The following WAC variants were observed in gnomAD, a reference collection of about 807,000 sequenced individuals.
The protein encoded by WAC is WW domain containing adaptor with coiled-coil, also known as WW domain-containing adapter protein with coiled-coil.
Under a neutral mutation model 79.6 loss-of-function variants are expected in WAC, and 11 were observed. That is an observed-to-expected ratio of 0.14 (90% CI 0.09 to 0.23). WAC has a LOEUF of 0.23. Among genes scored for constraint, WAC ranks in the 10% least tolerant of loss-of-function variants. The pLI is 1.00. For missense variants in WAC, 728 were observed against 773.5 expected (o/e 0.94, Z 0.70); for synonymous variants, 304 against 276.9 (o/e 1.10, Z -0.97).
chr10:28,551,486 T>C (rs534614379), intron 3 of WAC, among the ~76,000 whole-genome samples: 26 of 152,322 alleles, frequency 1.7e-4, no homozygotes, highest in African/African-American at 6.0e-4. Flanking sequence ...TAAAAAGTCT[T>C]CTTGGGGTTG....
intron 3 of WAC, among the ~76,000 whole-genome samples, chr10:28,539,028 TC>T (rs1419150432): frequency 1.3e-5 from 2 of 152,160 alleles, no homozygotes; most frequent in African/African-American, 4.8e-5. Context: ...AATTCAAATT[TC>T]CCAGTTTTTC....
At chr10:28,533,906 C>T (rs1310035955) in intron 1 of WAC, 92 bp from the exon 2 acceptor site, 4 of 1,482,998 alleles carry the variant, frequency 2.7e-6, no homozygotes, top group African/African-American at 1.4e-5. Flanking sequence ...AGGTCTCCCG[C>T]GGGGAGGGGC....
chr10:28,610,971 T>C, intron 9 of WAC, 150 bp downstream of exon 9: 1 of 783,428 alleles, frequency 1.3e-6, no homozygotes, highest in Admixed American at 3.3e-5. Context: ...TTTGTAACAC[T>C]GGCATATACA....
intron 3 of WAC, among the ~76,000 whole-genome samples, chr10:28,547,788 T>A (rs762155025): frequency 2.6e-5 from 4 of 151,866 alleles, no homozygotes; most frequent in Non-Finnish European, 5.9e-5. Context: ...AAATTTAGAG[T>A]TTTTCCTTCT....
Position 28,540,330 on chromosome 10 carries a change from A to T in WAC, c.274+4573A>T, listed in dbSNP as rs185828502. ...GGTAACTTGTATGCTGTCAGAGATT[A>T]AACACTTGGGTATTGAAAGCTTATT... On this transcript the variant is annotated intron_variant, in intron 3 of 13. Coordinates refer to ENST00000354911, the MANE Select transcript of WAC (RefSeq NM_016628.5). Among the ~76,000 whole-genome samples, 357 of 152,348 alleles carry T rather than the reference A, an allele frequency of 2.3e-3. 3 individuals are homozygous for T. Among genetic ancestry groups the T allele is most frequent in the Non-Finnish European group, 3.6e-3 (242 of 68,032 alleles).
At chr10:28,541,420 G>GTTTTTTTTTTT (rs869099181) in intron 3 of WAC, among the ~76,000 whole-genome samples, 1 of 49,210 alleles carries the variant, frequency 2.0e-5, no homozygotes, top group Non-Finnish European at 3.3e-5. Context: ...TGTGTGTTTT[G>GTTTTTTTTTTT]TTTTTTTTTT....
In WAC at chr10:28,533,584, T is replaced by G; in HGVS notation, c.5T>G (p.Val2Gly). 1 of 1,563,374 alleles carries G rather than the reference T, an allele frequency of 6.4e-7. No individual in the cohort carries two copies. The highest frequency in any genetic ancestry group is 8.7e-7 in the Non-Finnish European group (1 of 1,151,592). ...ACACTCACAGGCCGGGCATTGATGG[T>G]AATGTATGCGAGGAAACAGCAGAGA... M[V>G]MYARKQQRLS... Residue 2 changes from valine to glycine, a missense_variant, in exon 1 of 14, where the codon GTA becomes GGA. By Grantham distance (109) the Val-to-Gly change is moderately radical. Transcript: ENST00000354911.
At chr10:28,543,215 T>C (rs1837159040) in intron 3 of WAC, among the ~76,000 whole-genome samples, 1 of 152,216 alleles carries the variant, frequency 6.6e-6, no homozygotes, top group African/African-American at 2.4e-5. Flanking sequence ...GTAACAAGGT[T>C]CTATAGCAGC....
intron 6 of WAC, among the ~76,000 whole-genome samples, chr10:28,594,365 C>T (rs1453452587): frequency 1.3e-5 from 2 of 152,078 alleles, no homozygotes; most frequent in East Asian, 3.9e-4. Context: ...TTAGTTGTAC[C>T]TCATTGCAGG....
Position 28,572,691 on chromosome 10 carries a change from A to G in WAC, c.275-10708A>G, listed in dbSNP as rs557281357. Among the ~76,000 whole-genome samples, 4 of 152,070 alleles carry G rather than the reference A, an allele frequency of 2.6e-5. No individual in the cohort carries two copies. The East Asian group carries it at 7.8e-4, about 30-fold the overall frequency. ...CCTGGCGTGGTAGTGGGCACCTGTA[A>G]TCCCAGCTACTTGGGAGGCTGAGGC... On this transcript the variant is annotated intron_variant, in intron 3 of 13. Transcript: ENST00000354911.
intron 3 of WAC, among the ~76,000 whole-genome samples, chr10:28,566,886 T>G (rs1838647710): frequency 6.6e-6 from 1 of 152,024 alleles, no homozygotes; most frequent in Non-Finnish European, 1.5e-5. Context: ...CTTTTCAATC[T>G]GCAGATTCAG....
At chr10:28,545,257 C>G (rs535354177) in intron 3 of WAC, among the ~76,000 whole-genome samples, 1 of 151,822 alleles carries the variant, frequency 6.6e-6, no homozygotes, top group African/African-American at 2.4e-5. Flanking sequence ...TTTGGGAGGC[C>G]GAGGAGGGCG....
At chr10:28,603,327 T>C (rs1840731972) in intron 7 of WAC, among the ~76,000 whole-genome samples, 1 of 152,192 alleles carries the variant, frequency 6.6e-6, no homozygotes, top group Non-Finnish European at 1.5e-5. Context: ...CCGTGGCCCA[T>C]GGGTTGGACG....
At position 28,595,869 on chromosome 10, in the gene WAC, C is replaced by T; in HGVS notation, c.747C>T (p.Pro249=). 1 of 1,614,182 alleles carries T rather than the reference C, an allele frequency of 6.2e-7. No individual in the cohort carries two copies. The highest frequency in any genetic ancestry group is 8.5e-7 in the Non-Finnish European group (1 of 1,180,010). The part of the protein sequence containing the change: ...THSSSTPVQH[P]IKPVVHPTAT... ...GTAGTTCTACGCCAGTACAGCACCCCATCAAACCAGTGGTTCATCCAACTG... is the reference window on the plus strand; with the variant it reads ...GTAGTTCTACGCCAGTACAGCACCCTATCAAACCAGTGGTTCATCCAACTG... The change falls in exon 7 of 14, where the codon CCC becomes CCT. Residue 249 remains proline (P), a synonymous_variant. Coordinates refer to ENST00000354911, the MANE Select transcript of WAC (RefSeq NM_016628.5).
intron 3 of WAC, among the ~76,000 whole-genome samples, chr10:28,555,443 T>G (rs1018714098): frequency 5.3e-5 from 8 of 152,122 alleles, no homozygotes; most frequent in African/African-American, 1.9e-4. Context: ...GAAGATTTTT[T>G]TTTTCTGGGA....
chr10:28,552,846 T>C (rs78051758), intron 3 of WAC, among the ~76,000 whole-genome samples: 1 of 20,946 alleles, frequency 4.8e-5, no homozygotes, highest in African/African-American at 3.0e-4. Context: ...ACTTGGCTGC[T>C]TTTTTTTTTT....
chr10:28,593,926 A>C (rs371443292), intron 6 of WAC, among the ~76,000 whole-genome samples: 1 of 152,114 alleles, frequency 6.6e-6, no homozygotes, highest in Admixed American at 6.5e-5. Flanking sequence ...CACTAATGAC[A>C]CTTTGGGTGA....
At chr10:28,558,902 A>G (rs1274989094) in intron 3 of WAC, among the ~76,000 whole-genome samples, 1 of 152,230 alleles carries the variant, frequency 6.6e-6, no homozygotes, top group East Asian at 1.9e-4. Context: ...AATGTTGGAA[A>G]ATATCAGAAA....
chr10:28,608,546 C>T, intron 8 of WAC, 115 bp downstream of exon 8: 5 of 1,178,088 alleles, frequency 4.2e-6, no homozygotes, highest in South Asian at 3.3e-5. Context: ...TATAGTTGAA[C>T]ACTTTTTTTT....
Sources: gnomAD v4.1 joint callset for allele counts (sites outside exome capture counted in the v4.1 genomes callset) on GRCh38, gnomAD v4.1.1 for gene constraint, MANE v1.5 for transcripts, NCBI Gene and HGNC (gene_info 2026-07-23, HGNC 2026-07-21) for gene names.